CEP128: variants seen among roughly 807,000 people sequenced by gnomAD.
The protein encoded by CEP128 is centrosomal protein 128kDa.
In CEP128, 132 loss-of-function variants were observed where a neutral mutation model predicts 156.7. The observed-to-expected ratio is 0.84, with a 90% confidence interval of 0.73 to 0.97. CEP128 has a LOEUF of 0.97. CEP128 is among the 50% of genes least tolerant of loss of function. The pLI is 0.00. For missense variants in CEP128, 1,252 were observed against 1,281.9 expected (o/e 0.98, Z 0.36); for synonymous variants, 469 against 448.9 (o/e 1.04, Z -0.57).
intron 19 of CEP128, among the ~76,000 whole-genome samples, chr14:80,739,966 C>G (rs1037722410): frequency 1.3e-5 from 2 of 152,122 alleles, no homozygotes; most frequent in Admixed American, 1.3e-4. Flanking sequence ...TTTGGTTATT[C>G]AGAGTTTAAT....
At chr14:80,827,950 T>G (rs1293815825) in intron 13 of CEP128, among the ~76,000 whole-genome samples, 6 of 152,190 alleles carry the variant, frequency 3.9e-5, no homozygotes, top group African/African-American at 1.4e-4. Flanking sequence ...TGAGCCAGTC[T>G]CCTGGGTCAC....
At chr14:80,694,301 G>T (rs974605307) in intron 19 of CEP128, among the ~76,000 whole-genome samples, 1 of 152,106 alleles carries the variant, frequency 6.6e-6, no homozygotes, top group Admixed American at 6.6e-5. Context: ...CGCCGTTGGT[G>T]GGAGTGTAAA....
intron 23 of CEP128, among the ~76,000 whole-genome samples, chr14:80,512,830 TAACA>T (rs1888321509): frequency 1.3e-5 from 2 of 152,016 alleles, no homozygotes; most frequent in Non-Finnish European, 2.9e-5. Context: ...ACAAGCAAAC[TAACA>T]AACAAGCAAA....
intron 19 of CEP128, among the ~76,000 whole-genome samples, chr14:80,638,864 T>G (rs1206168578): frequency 1.3e-5 from 2 of 152,146 alleles, no homozygotes; most frequent in African/African-American, 4.8e-5. Flanking sequence ...GAATTTCAAC[T>G]CCAGTAGCCC....
intron 8 of CEP128, among the ~76,000 whole-genome samples, chr14:80,878,630 C>T (rs1432695669): frequency 6.6e-6 from 1 of 152,002 alleles, no homozygotes; most frequent in Non-Finnish European, 1.5e-5. Context: ...GCCTCTGGAG[C>T]ACCCCTTCCT....
At chr14:80,627,088 G>C (rs564707004) in intron 19 of CEP128, among the ~76,000 whole-genome samples, 43 of 152,316 alleles carry the variant, frequency 2.8e-4, no homozygotes, top group Admixed American at 4.6e-4. Context: ...TTACACATGG[G>C]TACATGGAGA....
chr14:80,957,510 C>G (rs1467638391), intron 2 of CEP128, among the ~76,000 whole-genome samples: 2 of 151,994 alleles, frequency 1.3e-5, no homozygotes, highest in Non-Finnish European at 2.9e-5. Flanking sequence ...AATGAATATG[C>G]CAGGTCTCTG....
At chr14:80,637,610 T>C (rs1237259684) in intron 19 of CEP128, among the ~76,000 whole-genome samples, 1 of 152,238 alleles carries the variant, frequency 6.6e-6, no homozygotes, top group African/African-American at 2.4e-5. Context: ...GATAAATCAC[T>C]GTATTACTTA....
At chr14:80,614,343 T>C (rs1893125697) in intron 19 of CEP128, among the ~76,000 whole-genome samples, 1 of 152,216 alleles carries the variant, frequency 6.6e-6, no homozygotes, top group Admixed American at 6.5e-5. Flanking sequence ...CATTTGATAC[T>C]GCTGACTACA....
At chr14:80,873,582 G>A (rs181128074) in intron 8 of CEP128, among the ~76,000 whole-genome samples, 28 of 152,278 alleles carry the variant, frequency 1.8e-4, no homozygotes, top group African/African-American at 6.0e-4. Flanking sequence ...TGACAGTACA[G>A]CTGGATATGA....
At chr14:80,725,623 T>A (rs898614968) in intron 19 of CEP128, among the ~76,000 whole-genome samples, 2 of 152,044 alleles carry the variant, frequency 1.3e-5, no homozygotes, top group Non-Finnish European at 2.9e-5. Flanking sequence ...GCAGGAAAAG[T>A]TTTCTGACTC....
chr14:80,923,830 A>G (rs1032977610), intron 2 of CEP128, among the ~76,000 whole-genome samples: 1 of 152,140 alleles, frequency 6.6e-6, no homozygotes, highest in Non-Finnish European at 1.5e-5. Flanking sequence ...CATAATCCCC[A>G]TGCATTTAGT....
Position 80,857,301 on chromosome 14 carries a change from C to T in CEP128, c.762+5456G>A, listed in dbSNP as rs138929824. 5.1e-3 allele frequency among the ~76,000 whole-genome samples: 775 copies of T among 150,808 alleles called. 3 individuals are homozygous for T. The highest frequency in any genetic ancestry group is 0.017 in the Middle Eastern group (5 of 292). On this transcript the variant is annotated intron_variant, in intron 9 of 24. Transcript: ENST00000555265. ...CCAACACTACAACCTACCAAGCCTA[C>T]CCCCACTCCACTAAACTAACCAAAG...
intron 19 of CEP128, among the ~76,000 whole-genome samples, chr14:80,611,320 A>G (rs1892985843): frequency 6.6e-6 from 1 of 151,940 alleles, no homozygotes; most frequent in Non-Finnish European, 1.5e-5. Flanking sequence ...ACCAGCATCA[A>G]ATAACAAAAA....
chr14:80,754,422 T>C (rs1899538788), intron 18 of CEP128, among the ~76,000 whole-genome samples: 1 of 151,928 alleles, frequency 6.6e-6, no homozygotes, highest in African/African-American at 2.4e-5. Flanking sequence ...ATCTGCATAT[T>C]GTCTGTCTTT....
chr14:80,660,554 G>A (rs1026343349), intron 19 of CEP128, among the ~76,000 whole-genome samples: 3 of 152,062 alleles, frequency 2.0e-5, no homozygotes, highest in Non-Finnish European at 1.5e-5. Flanking sequence ...ATAGACAGAC[G>A]CATGCTAAAC....
chr14:80,911,948 G>C (rs1480083638), intron 4 of CEP128, among the ~76,000 whole-genome samples: 1 of 152,192 alleles, frequency 6.6e-6, no homozygotes, highest in Non-Finnish European at 1.5e-5. Context: ...GCAGGGCACG[G>C]TGGCTCGTGC....
In CEP128 at chr14:80,590,742, T is replaced by G. The variant is rs143014311; in HGVS notation, c.2807-10319A>C. On this transcript the variant is annotated intron_variant, in intron 19 of 24. Coordinates refer to ENST00000555265, the MANE Select transcript of CEP128 (RefSeq NM_152446.5). ...CTATGTTTGATGGTTGAAGCAAAAA[T>G]TGTAACAATATCTTATGTGCTCCTA... 5.6e-3 allele frequency among the ~76,000 whole-genome samples: 859 copies of G among 152,156 alleles called. 6 individuals carry two copies. The highest frequency in any genetic ancestry group is 0.02 in the African/African-American group (820 of 41,526).
chr14:80,737,474 A>C (rs1898596303), intron 19 of CEP128, among the ~76,000 whole-genome samples: 2 of 152,270 alleles, frequency 1.3e-5, no homozygotes, highest in South Asian at 2.1e-4. Context: ...CTTCATGTTA[A>C]ATAACTGATG....
Sources: allele counts gnomAD v4.1 joint callset (sites outside exome capture counted in the v4.1 genomes callset), GRCh38; gene constraint gnomAD v4.1.1; transcripts MANE v1.5; gene names NCBI Gene and HGNC (gene_info 2026-07-23, HGNC 2026-07-21).